Variants in CSMD1 observed in about 807,000 individuals in gnomAD.
CSMD1 encodes CUB and Sushi multiple domains 1, also known as CUB and sushi domain-containing protein 1.
A neutral mutation model predicts 417.5 loss-of-function variants in CSMD1; 213 were observed. The observed-to-expected ratio is 0.51, with a 90% CI of 0.46 to 0.57. CSMD1 has a LOEUF of 0.57. CSMD1 is among the 20% of genes least tolerant of loss of function. CSMD1 has a pLI of 0.00. For missense variants in CSMD1, 6,923 were observed against 4,529.7 expected, an observed-to-expected ratio of 1.53 and a Z score of -15.17; for synonymous variants, 2,862 against 1,736.8, an observed-to-expected ratio of 1.65 and a Z score of -16.11.
At chr8:3,458,925 C>T (rs1816320857) in intron 12 of CSMD1, among the ~76,000 whole-genome samples, 1 of 152,142 alleles carries the variant, frequency 6.6e-6, no homozygotes, top group South Asian at 2.1e-4. Context: ...CACAGGGAAA[C>T]ATTGGAAGGA....
At chr8:4,731,746 T>C (rs1809885949) in intron 1 of CSMD1, among the ~76,000 whole-genome samples, 1 of 152,094 alleles carries the variant, frequency 6.6e-6, no homozygotes, top group South Asian at 2.1e-4. Flanking sequence ...CAGCAGTTAC[T>C]CTAGTAGTTT....
chr8:4,554,789 C>G (rs1178461082), intron 2 of CSMD1, among the ~76,000 whole-genome samples: 1 of 152,200 alleles, frequency 6.6e-6, no homozygotes, highest in Non-Finnish European at 1.5e-5. Flanking sequence ...CATGAGCCAG[C>G]AGCGTCCGTC....
In CSMD1 at chr8:4,461,767, G is replaced by C. The variant is rs1403438750; in HGVS notation, c.303-41702C>G. Among the ~76,000 whole-genome samples, 4 of 142,006 alleles carry C rather than the reference G, an allele frequency of 2.8e-5. No individual in the cohort carries two copies. In the East Asian group the frequency reaches 8.3e-4, roughly 29 times the overall value. 93.2% of individuals were successfully genotyped at this position (142,006 alleles called of 152,430 possible). A position where few individuals can be genotyped will look rare whatever the true frequency, so the allele number is the denominator to read the frequency against. ...TTTTTTTTTTTTTTTTGGAGATGGA[G>C]TCTCGCTCTGTCACCCAGGCTGGAG... On this transcript the variant is annotated intron_variant, in intron 2 of 69. Coordinates refer to ENST00000635120, the MANE Select transcript of CSMD1 (RefSeq NM_033225.6).
At chr8:3,993,645 G>A (rs989165700) in intron 5 of CSMD1, among the ~76,000 whole-genome samples, 8 of 152,184 alleles carry the variant, frequency 5.3e-5, no homozygotes, top group Non-Finnish European at 1.0e-4. Context: ...GTCAAGTTAT[G>A]CTGGTTCATG....
At chr8:4,845,604 T>G (rs940038560) in intron 1 of CSMD1, among the ~76,000 whole-genome samples, 1 of 152,212 alleles carries the variant, frequency 6.6e-6, no homozygotes, top group Non-Finnish European at 1.5e-5. Context: ...GTTCCTACCA[T>G]GTGCCAGGCT....
chr8:4,771,120 G>A (rs1020348476), intron 1 of CSMD1, among the ~76,000 whole-genome samples: 1 of 152,180 alleles, frequency 6.6e-6, no homozygotes, highest in African/African-American at 2.4e-5. Flanking sequence ...ATAACCTCAT[G>A]TTAAAATTGG....
At chr8:3,578,361 G>C (rs1800240218) in intron 9 of CSMD1, among the ~76,000 whole-genome samples, 1 of 151,968 alleles carries the variant, frequency 6.6e-6, no homozygotes, top group African/African-American at 2.4e-5. Flanking sequence ...GATGCCTGCT[G>C]TCCTCCCTTA....
intron 2 of CSMD1, among the ~76,000 whole-genome samples, chr8:4,576,281 C>G (rs1211071885): frequency 6.6e-6 from 1 of 152,218 alleles, no homozygotes; most frequent in African/African-American, 2.4e-5. Context: ...CTTCCTCTTG[C>G]CACAGGGCAT....
At position 4,343,200 on chromosome 8, in the gene CSMD1, G is replaced by C. The variant is rs191555351; in HGVS notation, c.415+76753C>G. ...AGGAGTGCTTCAGCTTGCTTTGTTA[G>C]AGCATAAAAAGCACATATGATAATC... On this transcript the variant is annotated intron_variant, in intron 3 of 69. Coordinates refer to ENST00000635120, the MANE Select transcript of CSMD1 (RefSeq NM_033225.6). 3.2e-4 allele frequency among the ~76,000 whole-genome samples: 49 copies of C among 152,206 alleles called. No homozygotes were observed. The Middle Eastern group carries it at 0.01, about 32-fold the overall frequency.
intron 1 of CSMD1, among the ~76,000 whole-genome samples, chr8:4,968,755 T>C (rs1810044804): frequency 6.6e-6 from 1 of 152,092 alleles, no homozygotes; most frequent in South Asian, 2.1e-4. Context: ...CCTTACCATG[T>C]CTCTTCTTTA....
intron 5 of CSMD1, among the ~76,000 whole-genome samples, chr8:3,981,613 G>A (rs573265228): frequency 2.0e-5 from 3 of 151,318 alleles, no homozygotes; most frequent in Admixed American, 6.6e-5. Context: ...ATCAATTAGA[G>A]CAGTATTGTT....
At chr8:4,965,379 CT>C (rs776435916) in intron 1 of CSMD1, among the ~76,000 whole-genome samples, 2 of 152,180 alleles carry the variant, frequency 1.3e-5, no homozygotes, top group Admixed American at 6.5e-5. Context: ...CAAGGTCCCC[CT>C]ATCTGAATAT....
In CSMD1 at chr8:4,884,823, T is replaced by C. The variant is rs1803634952; in HGVS notation, c.85+109509A>G. ...AGTTCTCTAACTTTATTCCCCCTTT[T>C]CAAGACTACCTTGGGTATTTGGGGT... On this transcript the variant is annotated intron_variant, in intron 1 of 69. Transcript: ENST00000635120. Among the ~76,000 whole-genome samples the C allele has an allele frequency of 4.6e-5, 7 of 152,052 alleles. No individual in the cohort carries two copies. The South Asian group carries it at 1.5e-3, about 32-fold the overall frequency.
chr8:2,994,069 C>G (rs1443988850), intron 54 of CSMD1, among the ~76,000 whole-genome samples: 2 of 144,418 alleles, frequency 1.4e-5, no homozygotes, highest in East Asian at 3.9e-4. Flanking sequence ...TCACTTGAAC[C>G]CTGGAGGCGG....
rs183376687 is a variant in CSMD1, at chr8:3,682,078, C to T, written c.1009+26336G>A. On this transcript the variant is annotated intron_variant, in intron 7 of 69. Coordinates refer to ENST00000635120, the MANE Select transcript of CSMD1 (RefSeq NM_033225.6). ...AAGACTTAAATGTTAGACCTAAAAT[C>T]GTAAAAACCCTAGAAGAAAACCTAG... is the stretch of plus-strand genomic sequence containing the variant. 2.2e-3 allele frequency among the ~76,000 whole-genome samples: 342 copies of T among 152,214 alleles called. 5 individuals carry two copies. The highest frequency in any genetic ancestry group is 7.7e-3 in the African/African-American group (321 of 41,544).
intron 2 of CSMD1, among the ~76,000 whole-genome samples, chr8:4,560,833 A>G (rs1798296886): frequency 6.6e-6 from 1 of 152,190 alleles, no homozygotes; most frequent in Non-Finnish European, 1.5e-5. Context: ...TGTCCTTCAC[A>G]AGAGATGTTC....
chr8:3,481,372 C>T (rs925820494), intron 11 of CSMD1, among the ~76,000 whole-genome samples: 1 of 152,064 alleles, frequency 6.6e-6, no homozygotes, highest in African/African-American at 2.4e-5. Flanking sequence ...ATTGAAACAA[C>T]AATTAGAACA....
At chr8:3,584,318 T>G (rs1800508028) in intron 9 of CSMD1, among the ~76,000 whole-genome samples, 1 of 152,140 alleles carries the variant, frequency 6.6e-6, no homozygotes, top group Non-Finnish European at 1.5e-5. Context: ...TCCAGAAAAC[T>G]AAACCAAACA....
At position 3,694,804 on chromosome 8, in the gene CSMD1, G is replaced by C. The variant is rs371892216; in HGVS notation, c.1009+13610C>G. ...CCAAGCAGAAGTAACAGAAAGTGCA[G>C]GGAGCCAGGGGAACGCGGCAAGGAA... On this transcript the variant is annotated intron_variant, in intron 7 of 69. Transcript: ENST00000635120. Among the ~76,000 whole-genome samples the C allele has an allele frequency of 1.3e-3, 200 of 152,034 alleles. 2 individuals carry two copies. Among genetic ancestry groups the C allele is most frequent in the African/African-American group, 4.6e-3 (192 of 41,468 alleles).
Sources: gnomAD v4.1 joint callset for allele counts (sites outside exome capture counted in the v4.1 genomes callset) on GRCh38, gnomAD v4.1.1 for gene constraint, MANE v1.5 for transcripts, NCBI Gene and HGNC (gene_info 2026-07-23, HGNC 2026-07-21) for gene names.